Variants in SCHIP1 observed in about 807,000 individuals in gnomAD.
SCHIP1 encodes the protein schwannomin interacting protein 1.
A neutral mutation model predicts 29.7 loss-of-function variants in SCHIP1; 8 were observed. That is an observed-to-expected ratio of 0.27 (90% CI 0.16 to 0.49). SCHIP1 has a LOEUF of 0.49. Ranked by LOEUF, SCHIP1 falls within the 20% of genes least tolerant of loss-of-function variation. The pLI is 0.99. For synonymous variants in SCHIP1, 76 were observed against 94.9 expected (o/e 0.80, Z 1.16); for missense variants, 193 against 294.6 (o/e 0.66, Z 2.52).
chr3:159,617,335 G>C, the SCHIP1 span, among the ~76,000 whole-genome samples: 8 of 152,070 alleles, frequency 5.3e-5, no homozygotes, highest in South Asian at 1.2e-3. Flanking sequence ...CTGTCTCTCC[G>C]ATCCCCTTTC....
the SCHIP1 span, among the ~76,000 whole-genome samples, chr3:159,651,412 T>C: frequency 6.6e-6 from 1 of 152,222 alleles, no homozygotes; most frequent in African/African-American, 2.4e-5. Flanking sequence ...CTCCCATAGA[T>C]GAGCAGTGTG....
the SCHIP1 span, among the ~76,000 whole-genome samples, chr3:159,370,998 G>A: frequency 2.6e-5 from 4 of 152,058 alleles, no homozygotes; most frequent in Non-Finnish European, 5.9e-5. Flanking sequence ...TCTTCTTTTA[G>A]GTTCTGTTTC....
At chr3:159,650,006 A>G in the SCHIP1 span, among the ~76,000 whole-genome samples, 19 of 152,208 alleles carry the variant, frequency 1.2e-4, no homozygotes, top group Non-Finnish European at 2.8e-4. Flanking sequence ...ACTTTTTCAT[A>G]GAACCACACA....
the SCHIP1 span, among the ~76,000 whole-genome samples, chr3:159,392,306 T>G: frequency 1.3e-5 from 2 of 152,182 alleles, no homozygotes; most frequent in Non-Finnish European, 2.9e-5. Flanking sequence ...TTGCCAGCAC[T>G]CTTTTTTTCC....
At chr3:159,611,704 G>A in the SCHIP1 span, among the ~76,000 whole-genome samples, 1 of 152,102 alleles carries the variant, frequency 6.6e-6, no homozygotes, top group African/African-American at 2.4e-5. Flanking sequence ...AAAGAGCTCT[G>A]CCATTATTTT....
At chr3:159,553,647 G>C in the SCHIP1 span, among the ~76,000 whole-genome samples, 1 of 152,270 alleles carries the variant, frequency 6.6e-6, no homozygotes, top group African/African-American at 2.4e-5. Flanking sequence ...GTCTTGCTCT[G>C]TTGCCCAAGC....
chr3:159,411,533 G>A, the SCHIP1 span, among the ~76,000 whole-genome samples: 1 of 152,098 alleles, frequency 6.6e-6, no homozygotes, highest in Admixed American at 6.6e-5. Context: ...TTATGTTAAT[G>A]CACCAGTATA....
chr3:159,799,285 C>T, the SCHIP1 span, among the ~76,000 whole-genome samples: 1 of 152,208 alleles, frequency 6.6e-6, no homozygotes, highest in African/African-American at 2.4e-5. Context: ...CACTACGCAG[C>T]ACAGTGAAAA....
At chr3:159,414,967 C>T in the SCHIP1 span, among the ~76,000 whole-genome samples, 5 of 152,160 alleles carry the variant, frequency 3.3e-5, no homozygotes, top group African/African-American at 4.8e-5. Flanking sequence ...TCATAACAGG[C>T]CACCAATCAG....
the SCHIP1 span, among the ~76,000 whole-genome samples, chr3:159,668,469 A>G: frequency 5.3e-5 from 8 of 152,002 alleles, no homozygotes; most frequent in Non-Finnish European, 1.0e-4. Flanking sequence ...CTGGAGGTGT[A>G]TACCTACTGT....
At chr3:159,619,280 T>C in the SCHIP1 span, among the ~76,000 whole-genome samples, 6 of 152,214 alleles carry the variant, frequency 3.9e-5, no homozygotes, top group African/African-American at 1.4e-4. Context: ...TAAACCTCTC[T>C]GGTAATGCCT....
At chr3:159,444,051 A>T in the SCHIP1 span, among the ~76,000 whole-genome samples, 2 of 152,086 alleles carry the variant, frequency 1.3e-5, no homozygotes, top group African/African-American at 4.8e-5. Context: ...ACCCTGAGAC[A>T]AGAATCTGAG....
chr3:159,598,953 A>G, the SCHIP1 span, among the ~76,000 whole-genome samples: 1 of 151,996 alleles, frequency 6.6e-6, no homozygotes, highest in Non-Finnish European at 1.5e-5. Context: ...ACATGATTAC[A>G]GAAGGAAATG....
At chr3:159,392,732 T>A in the SCHIP1 span, among the ~76,000 whole-genome samples, 1 of 152,042 alleles carries the variant, frequency 6.6e-6, no homozygotes, top group Non-Finnish European at 1.5e-5. Context: ...TTTGGGTTGG[T>A]TCCAAGTCTT....
chr3:159,511,680 T>C, the SCHIP1 span, among the ~76,000 whole-genome samples: 1 of 152,136 alleles, frequency 6.6e-6, no homozygotes, highest in Non-Finnish European at 1.5e-5. Context: ...CTGAACAAAA[T>C]AGAAAATCCC....
the SCHIP1 span, among the ~76,000 whole-genome samples, chr3:159,317,089 G>A: frequency 7.2e-5 from 11 of 152,184 alleles, no homozygotes; most frequent in Non-Finnish European, 1.3e-4. Context: ...TTGTACTGTT[G>A]TAGTTTCCCA....
chr3:159,710,863 T>C, the SCHIP1 span, among the ~76,000 whole-genome samples: 2 of 152,246 alleles, frequency 1.3e-5, no homozygotes, highest in Middle Eastern at 3.4e-3. Flanking sequence ...GTACACAACA[T>C]AAAAGCCTAA....
At chr3:159,855,874 A>G (rs573381770) in intron 1 of SCHIP1, among the ~76,000 whole-genome samples, 1 of 152,320 alleles carries the variant, frequency 6.6e-6, no homozygotes, top group Admixed American at 6.5e-5. Context: ...TCTGATGACT[A>G]AAATTAGATT....
chr3:159,514,363 T>G, the SCHIP1 span, among the ~76,000 whole-genome samples: 1 of 152,222 alleles, frequency 6.6e-6, no homozygotes, highest in Non-Finnish European at 1.5e-5. Context: ...TCAAATAAAT[T>G]CCTGAAAGAA....
Sources: gnomAD v4.1 joint callset for allele counts (sites outside exome capture counted in the v4.1 genomes callset) on GRCh38, gnomAD v4.1.1 for gene constraint, MANE v1.5 for transcripts, NCBI Gene and HGNC (gene_info 2026-07-23, HGNC 2026-07-21) for gene names.